The following CA5A variants were observed in gnomAD, a reference collection of about 807,000 sequenced individuals.
The protein encoded by CA5A is carbonic anhydrase 5A, mitochondrial.
Under a neutral mutation model 37.1 loss-of-function variants are expected in CA5A, and 28 were observed. The observed-to-expected ratio is 0.75, with a 90% confidence interval of 0.56 to 1.03. The LOEUF (loss-of-function observed/expected upper bound fraction) is 1.03. Ranked by LOEUF, CA5A falls within the 50% of genes least tolerant of loss-of-function variation. The probability of loss-of-function intolerance (pLI) is 0.00; values close to 1 mark genes in which losing one functional copy is unlikely to be tolerated. For synonymous variants in CA5A, 171 were observed against 158.4 expected, an observed-to-expected ratio of 1.08 and a Z score of -0.60; for missense variants, 444 against 399.9, an observed-to-expected ratio of 1.11 and a Z score of -0.94.
intron 2 of CA5A, among the ~76,000 whole-genome samples, chr16:87,907,609 T>C (rs762158810): frequency 6.6e-6 from 1 of 152,152 alleles, no homozygotes; most frequent in Admixed American, 6.5e-5. Context: ...TTAAGTCCCA[T>C]CCAGTTGCAC....
rs1201592278 is a variant in CA5A at position 87,924,970 on chromosome 16, G to A, written c.340+1778C>T. On this transcript the variant is annotated intron_variant, in intron 2 of 6. Transcript: ENST00000649794. The stretch of plus-strand genomic sequence containing the variant: ...CCCCAATCACAGAGGAAGAAAAGGA[G>A]GCTCATTTATGCCTTCAACTCTGTT... 2.6e-5 allele frequency among the ~76,000 whole-genome samples: 4 copies of A among 152,218 alleles called. No individual in the cohort carries two copies. In the South Asian group the frequency reaches 6.2e-4, roughly 24 times the overall value.
At chr16:87,892,556 AAATT>A (rs375075722) in intron 5 of CA5A, among the ~76,000 whole-genome samples, 11,247 of 136,336 alleles carry the variant, frequency 0.082, 571 homozygotes, top group South Asian at 0.17. Flanking sequence ...TAATAATAAT[AAATT>A]AATTAATAAT....
rs1018422803 is a variant in CA5A at position 87,929,283 on chromosome 16, C to G, written c.143-2338G>C. On this transcript the variant is annotated intron_variant, in intron 1 of 6. Coordinates refer to ENST00000649794, the MANE Select transcript of CA5A (RefSeq NM_001739.2). ...CCTGGCCAACATGGTAAAACCCTGTCTCTACTAATAATGCAAAAATTAGCC... is the reference window on the plus strand; with the variant it reads ...CCTGGCCAACATGGTAAAACCCTGTGTCTACTAATAATGCAAAAATTAGCC... 2.0e-5 allele frequency among the ~76,000 whole-genome samples: 3 copies of G among 150,678 alleles called. No homozygotes were observed. The East Asian group carries it at 6.1e-4, about 31-fold the overall frequency.
chr16:87,915,130 C>G (rs747882127), intron 2 of CA5A, among the ~76,000 whole-genome samples: 1 of 152,218 alleles, frequency 6.6e-6, no homozygotes, highest in South Asian at 2.1e-4. Flanking sequence ...CGCGTTGCAG[C>G]GCACGTCCGA....
intron 1 of CA5A, among the ~76,000 whole-genome samples, chr16:87,929,688 C>T (rs1184350095): frequency 4.0e-5 from 6 of 151,074 alleles, no homozygotes; most frequent in South Asian, 2.1e-4. Context: ...CTGGCTAACA[C>T]CGTGAAACCC....
intron 1 of CA5A, among the ~76,000 whole-genome samples, chr16:87,931,618 C>T (rs377599268): frequency 2.6e-5 from 4 of 152,174 alleles, no homozygotes; most frequent in Admixed American, 6.6e-5. Context: ...AGCTCGCTGG[C>T]GCTGGGGAAG....
chr16:87,907,833 G>A (rs1229985097), intron 2 of CA5A, among the ~76,000 whole-genome samples: 3 of 152,232 alleles, frequency 2.0e-5, no homozygotes, highest in African/African-American at 7.2e-5. Flanking sequence ...GGCTGAGGCA[G>A]GAGAATTGCT....
At chr16:87,886,151 T>TTTG (rs2055646368), downstream of CA5A, 1 of 150,196 alleles carries the variant, frequency 6.7e-6, no homozygotes, top group Admixed American at 6.6e-5. Flanking sequence ...AAGTTTTTTT[T>TTTG]TTTTTTTTTT....
At chr16:87,908,875 G>A (rs186506717) in intron 2 of CA5A, among the ~76,000 whole-genome samples, 1 of 152,012 alleles carries the variant, frequency 6.6e-6, no homozygotes, top group Admixed American at 6.6e-5. Context: ...GAATGCGGTG[G>A]CGTGATCTCA....
intron 2 of CA5A, among the ~76,000 whole-genome samples, chr16:87,907,879 T>C (rs1373770115): frequency 6.6e-6 from 1 of 152,162 alleles, no homozygotes; most frequent in East Asian, 1.9e-4. Context: ...TGAGCCGAGA[T>C]AGCGCCACTG....
chr16:87,910,893 G>T (rs973600892), intron 2 of CA5A, among the ~76,000 whole-genome samples: 3 of 151,910 alleles, frequency 2.0e-5, no homozygotes, highest in Non-Finnish European at 4.4e-5. Flanking sequence ...GGGATTATAG[G>T]CACCCACCAG....
intron 3 of CA5A, among the ~76,000 whole-genome samples, chr16:87,903,000 C>T (rs530624503): frequency 2.0e-5 from 3 of 151,872 alleles, no homozygotes; most frequent in East Asian, 1.9e-4. Flanking sequence ...AGGCCCTTGA[C>T]GAAGCCACAG....
At chr16:87,891,670 G>C (rs2055715313) in intron 6 of CA5A, 129 bp downstream of exon 6, 3 of 846,546 alleles carry the variant, frequency 3.5e-6, no homozygotes, top group East Asian at 6.6e-5. Flanking sequence ...TCTTGTGTAA[G>C]AATGCCCCAA....
chr16:87,893,017 T>C, intron 5 of CA5A: 2 of 1,240,820 alleles, frequency 1.6e-6, no homozygotes, highest in Non-Finnish European at 2.3e-6. Flanking sequence ...CACCCGGAGA[T>C]GGCAGACAAG....
At chr16:87,916,472 G>T (rs1244491598) in intron 2 of CA5A, among the ~76,000 whole-genome samples, 1 of 152,194 alleles carries the variant, frequency 6.6e-6, no homozygotes, top group Non-Finnish European at 1.5e-5. Flanking sequence ...CTTGGGTCCA[G>T]TGGGGTCTTT....
chr16:87,930,161 AG>A (rs1817633582), intron 1 of CA5A, among the ~76,000 whole-genome samples: 1 of 152,116 alleles, frequency 6.6e-6, no homozygotes, highest in Non-Finnish European at 1.5e-5. Context: ...GAATCTCAGC[AG>A]GGGGTTGGTC....
chr16:87,924,053 CA>C, intron 2 of CA5A: 1 of 985,402 alleles, frequency 1.0e-6, no homozygotes, highest in Non-Finnish European at 1.2e-6. Flanking sequence ...GGAGAAAAAC[CA>C]TTGGCAACTG....
chr16:87,927,599 C>T (rs571796652), intron 1 of CA5A, among the ~76,000 whole-genome samples: 171 of 152,260 alleles, frequency 1.1e-3, no homozygotes, highest in Non-Finnish European at 1.9e-3. Flanking sequence ...CAGTGGCTCA[C>T]GCCTGTAATC....
At chr16:87,887,470 A>G (rs1567512194), downstream of CA5A, 1 of 152,108 alleles carries the variant, frequency 6.6e-6, no homozygotes, top group Non-Finnish European at 1.5e-5. Flanking sequence ...GCTGGAGTGC[A>G]ATAGTGTGAT....
Sources: allele counts gnomAD v4.1 joint callset (sites outside exome capture counted in the v4.1 genomes callset), GRCh38; gene constraint gnomAD v4.1.1; transcripts MANE v1.5; gene names NCBI Gene and HGNC (gene_info 2026-07-23, HGNC 2026-07-21).